Variants in BMX observed in about 807,000 individuals in gnomAD.
The protein encoded by BMX is cytoplasmic tyrosine-protein kinase BMX.
Under a neutral mutation model 59.2 loss-of-function variants are expected in BMX, and 31 were observed. The observed-to-expected ratio is 0.52, with a 90% CI of 0.39 to 0.71. The LOEUF (loss-of-function observed/expected upper bound fraction) is 0.71. Among genes scored for constraint, BMX ranks in the 30% least tolerant of loss-of-function variants. The pLI is 0.00. For missense variants in BMX, 474 were observed against 491.7 expected, an observed-to-expected ratio of 0.96 and a Z score of 0.34; for synonymous variants, 185 against 181.0, an observed-to-expected ratio of 1.02 and a Z score of -0.18.
At chrX:15,524,793 T>C (rs1267805068) in intron 7 of BMX, among the ~76,000 whole-genome samples, 4 of 111,840 alleles carry the variant, frequency 3.6e-5, no homozygotes, top group Non-Finnish European at 1.9e-5. Flanking sequence ...CATGCTCTGC[T>C]TAATACCCCA....
intron 13 of BMX, among the ~76,000 whole-genome samples, chrX:15,536,811 A>G (rs931114350): frequency 9.0e-6 from 1 of 110,927 alleles, no homozygotes; most frequent in Admixed American, 9.7e-5. Context: ...AAATCTGACA[A>G]TGTTTTACCA....
intron 1 of BMX, among the ~76,000 whole-genome samples, chrX:15,506,978 T>G (rs941756480): frequency 8.8e-6 from 1 of 113,191 alleles, no homozygotes; most frequent in African/African-American, 3.2e-5. Flanking sequence ...AATAATCTTT[T>G]GTTCTACATA....
intron 15 of BMX, 59 bp downstream of exon 15, chrX:15,542,257 G>A: frequency 9.1e-7 from 1 of 1,094,930 alleles, no homozygotes; most frequent in Non-Finnish European, 1.3e-6. Context: ...CCCACTTCTG[G>A]AGATGGGGTC....
At chrX:15,522,205 T>TCCTCCCTTCCTC (rs376196685) in intron 6 of BMX, 141 bp from the exon 7 acceptor site, 5 of 788,234 alleles carry the variant, frequency 6.3e-6, no homozygotes, top group South Asian at 5.4e-5. Flanking sequence ...CCTCTTTCCT[T>TCCTCCCTTCCTC]CCTCCCTTCC....
chrX:15,552,287 G>T (rs2147146678), intron 18 of BMX, among the ~76,000 whole-genome samples: 1 of 111,885 alleles, frequency 8.9e-6, no homozygotes, highest in Admixed American at 9.5e-5. Flanking sequence ...AGAGAGTATT[G>T]GTCCATAGGG....
rs182087348 is a variant in BMX at position 15,538,225 on chromosome X, C to T, written c.1394+920C>T. Among the ~76,000 whole-genome samples the T allele has an allele frequency of 7.4e-5, 8 of 108,250 alleles. No individual in the cohort carries two copies. In the Admixed American group the frequency reaches 7.9e-4, roughly 11 times the overall value. 94.0% of individuals were successfully genotyped at this position (108,250 alleles called of 115,157 possible). A position where few individuals can be genotyped will look rare whatever the true frequency, so the allele number is the denominator to read the frequency against. ...CTTCTCTCTCTCTCTCCCTCTCTCT[C>T]CCTCTCTCAGTTGTATATAATTCTC... On this transcript the variant is annotated intron_variant, in intron 14 of 18. Transcript: ENST00000348343.
At chrX:15,502,850 T>C (rs1234673702) in intron 1 of BMX, among the ~76,000 whole-genome samples, 1 of 111,819 alleles carries the variant, frequency 8.9e-6, no homozygotes, top group Non-Finnish European at 1.9e-5. Flanking sequence ...GGACAAATAT[T>C]TGAAGATCAA....
chrX:15,553,168 G>C (rs573872661), intron 18 of BMX, among the ~76,000 whole-genome samples: 6 of 112,332 alleles, frequency 5.3e-5, no homozygotes, highest in Middle Eastern at 4.6e-3. Context: ...AGTGTAGTTA[G>C]TTGGATTTTG....
rs1473596044 is a variant in BMX at position 15,556,239 on chromosome X, T to C, written c.*92T>C. The C allele has an allele frequency of 1.3e-5, 11 of 838,518 alleles. No individual in the cohort carries two copies. Among genetic ancestry groups the C allele is most frequent in the South Asian group, 1.1e-4 (4 of 36,428 alleles). The allele number at this position is 838,518 out of a possible 1,213,427, so 69.1% of individuals were successfully genotyped here. A position where few individuals can be genotyped will look rare whatever the true frequency, so the allele number is the denominator to read the frequency against. ...GAAAGTAGCAAGGCATAATGTAATT[T>C]AGCTAGTTTTTAATAGTGTTCTCTG... On this transcript the variant is annotated 3_prime_UTR_variant, in exon 19 of 19. Transcript: ENST00000348343.
rs113059035 is a variant in BMX at position 15,517,229 on chromosome X, C to T, written c.446-700C>T. Among the ~76,000 whole-genome samples, 474 of 111,815 alleles carry T rather than the reference C, an allele frequency of 4.2e-3. 2 individuals are homozygous for T. Among genetic ancestry groups the T allele is most frequent in the African/African-American group, 0.014 (436 of 30,800 alleles). On this transcript the variant is annotated intron_variant, in intron 5 of 18. Coordinates refer to ENST00000348343, the MANE Select transcript of BMX (RefSeq NM_203281.3). ...TATTAATCTCAACTAGATCACATTG[C>T]TCTATATACTCATGAATTATAGTTA...
intron 1 of BMX, chrX:15,507,387 A>G: frequency 1.3e-6 from 1 of 753,932 alleles, no homozygotes; most frequent in Non-Finnish European, 1.6e-6. Flanking sequence ...CCACATGTAT[A>G]CTTCGGCTCT....
intron 16 of BMX, among the ~76,000 whole-genome samples, chrX:15,544,673 A>G (rs1925863034): frequency 9.0e-6 from 1 of 111,313 alleles, no homozygotes; most frequent in Non-Finnish European, 1.9e-5. Context: ...GGCCACATCA[A>G]TTAGATGCCT....
At chrX:15,553,014 A>G (rs181974913) in intron 18 of BMX, among the ~76,000 whole-genome samples, 5 of 112,509 alleles carry the variant, frequency 4.4e-5, no homozygotes, top group African/African-American at 1.6e-4. Context: ...AGACAGGAAT[A>G]GTGGAAAAGG....
intron 10 of BMX, among the ~76,000 whole-genome samples, chrX:15,531,060 T>A (rs1433574565): frequency 9.0e-6 from 1 of 111,353 alleles, no homozygotes; most frequent in Non-Finnish European, 1.9e-5. Context: ...TAAATTGTAT[T>A]TCTTAAAGAT....
intron 12 of BMX, 135 bp downstream of exon 12, chrX:15,534,474 C>G (rs1925240762): frequency 1.8e-6 from 1 of 548,239 alleles, no homozygotes; most frequent in African/African-American, 2.5e-5. Flanking sequence ...AAGTCTTTTG[C>G]CTATCATAAT....
intron 14 of BMX, among the ~76,000 whole-genome samples, chrX:15,541,597 A>G (rs1925686829): frequency 8.9e-6 from 1 of 111,979 alleles, no homozygotes; most frequent in African/African-American, 3.2e-5. Flanking sequence ...GAAAGTTAAT[A>G]AAAGAGAAAT....
chrX:15,553,419 C>T (rs771488072), intron 18 of BMX, among the ~76,000 whole-genome samples: 1 of 111,644 alleles, frequency 9.0e-6, no homozygotes, highest in Non-Finnish European at 1.9e-5. Context: ...ACACCTAGGC[C>T]AAGTACCAAT....
At chrX:15,501,740 T>G (rs1441052203) in intron 1 of BMX, among the ~76,000 whole-genome samples, 4 of 111,761 alleles carry the variant, frequency 3.6e-5, no homozygotes, top group Non-Finnish European at 5.6e-5. Flanking sequence ...ATCCAAGTAT[T>G]TATTTGTAGG....
intron 3 of BMX, 30 bp downstream of exon 3, chrX:15,509,463 G>A: frequency 2.0e-6 from 2 of 997,586 alleles, no homozygotes; most frequent in Non-Finnish European, 2.8e-6. Flanking sequence ...TGCATTGGGT[G>A]GATAGTTCTT....
Sources: allele counts gnomAD v4.1 joint callset (sites outside exome capture counted in the v4.1 genomes callset), GRCh38; gene constraint gnomAD v4.1.1; transcripts MANE v1.5; gene names NCBI Gene and HGNC (gene_info 2026-07-23, HGNC 2026-07-21).